CSMD1: variants seen among roughly 807,000 people sequenced by gnomAD.
The protein encoded by CSMD1 is CUB and Sushi multiple domains 1, also known as CUB and sushi domain-containing protein 1.
A neutral mutation model predicts 417.5 loss-of-function variants in CSMD1; 213 were observed. That is an observed-to-expected ratio of 0.51 (90% confidence interval 0.46 to 0.57). The LOEUF (loss-of-function observed/expected upper bound fraction) is 0.57, where lower values mean the gene tolerates loss of function less well. Ranked by LOEUF, CSMD1 falls within the 20% of genes least tolerant of loss-of-function variation. The probability of loss-of-function intolerance (pLI) is 0.00; values close to 1 mark genes in which losing one functional copy is unlikely to be tolerated. For missense variants in CSMD1, 6,923 were observed against 4,529.7 expected (o/e 1.53, Z -15.17); for synonymous variants, 2,862 against 1,736.8 (o/e 1.65, Z -16.11).
At chr8:4,285,935 G>A (rs887154325) in intron 3 of CSMD1, among the ~76,000 whole-genome samples, 1 of 152,094 alleles carries the variant, frequency 6.6e-6, no homozygotes, top group Non-Finnish European at 1.5e-5. Flanking sequence ...CCTTTTAAGT[G>A]GCTATGATAT....
chr8:4,727,968 A>AATATATAAATGTATATATATACAAAAT (rs1809576093), intron 1 of CSMD1, among the ~76,000 whole-genome samples: 2 of 141,908 alleles, frequency 1.4e-5, no homozygotes, highest in Non-Finnish European at 3.0e-5. Context: ...ATATATACAA[A>AATATATAAATGTATATATATACAAAAT]ATATATATGT....
intron 2 of CSMD1, among the ~76,000 whole-genome samples, chr8:4,426,074 A>C (rs1411839845): frequency 6.6e-6 from 1 of 150,742 alleles, no homozygotes; most frequent in Non-Finnish European, 1.5e-5. Flanking sequence ...GCCATAAATA[A>C]AAGGAATTAT....
At chr8:3,823,915 T>G (rs1014127903) in intron 5 of CSMD1, among the ~76,000 whole-genome samples, 5 of 152,196 alleles carry the variant, frequency 3.3e-5, no homozygotes, top group Non-Finnish European at 7.3e-5. Flanking sequence ...TCATTTTTAA[T>G]TCTACCTTTA....
At position 4,142,985 on chromosome 8, in the gene CSMD1, C is replaced by G. The variant is rs555962512; in HGVS notation, c.416-110886G>C. Among the ~76,000 whole-genome samples, 69 of 130,754 alleles carry G rather than the reference C, an allele frequency of 5.3e-4. No homozygotes were observed. In the Admixed American group the frequency reaches 6.0e-3, roughly 11 times the overall value. The allele number at this position is 130,754 out of a possible 152,430, so 85.8% of individuals were successfully genotyped here. A position where few individuals can be genotyped will look rare whatever the true frequency, so the allele number is the denominator to read the frequency against. On this transcript the variant is annotated intron_variant, in intron 3 of 69. Transcript: ENST00000635120. Reference sequence around the variant, plus strand: ...AACTATCAGATGCTTAGTTTTCAAACTGATTGAAAAAAAAAAAATGCTCTC... The same window carrying G: ...AACTATCAGATGCTTAGTTTTCAAAGTGATTGAAAAAAAAAAAATGCTCTC...
Position 3,743,526 on chromosome 8 carries a change from G to A in CSMD1, c.931+10404C>T, listed in dbSNP as rs149930701. On this transcript the variant is annotated intron_variant, in intron 6 of 69. Coordinates refer to ENST00000635120, the MANE Select transcript of CSMD1 (RefSeq NM_033225.6). ...CAAAAAGAATAATGGAAAGAAACAA[G>A]GGTGGTTGCAGGGTGTGAAAGAAAA... 3.3e-5 allele frequency among the ~76,000 whole-genome samples: 5 copies of A among 152,176 alleles called. No homozygotes were observed. The South Asian group carries it at 1.0e-3, about 31-fold the overall frequency.
At chr8:3,318,516 T>A (rs971650353) in intron 23 of CSMD1, among the ~76,000 whole-genome samples, 1 of 152,068 alleles carries the variant, frequency 6.6e-6, no homozygotes, top group Non-Finnish European at 1.5e-5. Context: ...AAAGTTAACA[T>A]ATTCCCTATT....
intron 3 of CSMD1, among the ~76,000 whole-genome samples, chr8:4,098,390 C>T (rs1801135072): frequency 6.9e-6 from 1 of 144,702 alleles, no homozygotes; most frequent in Admixed American, 6.7e-5. Flanking sequence ...TTTAATTTTC[C>T]AAAATGGATT....
At chr8:4,061,385 G>A (rs987815154) in intron 3 of CSMD1, among the ~76,000 whole-genome samples, 1 of 152,166 alleles carries the variant, frequency 6.6e-6, no homozygotes, top group South Asian at 2.1e-4. Flanking sequence ...AATGAAGTAA[G>A]TGCACAACAG....
In CSMD1 at chr8:3,468,819, G is replaced by A. The variant is rs754631764; in HGVS notation, c.1454C>T (p.Thr485Met). The A allele has an allele frequency of 3.1e-6, 5 of 1,589,056 alleles. No individual in the cohort carries two copies. The highest frequency in any genetic ancestry group is 3.5e-5 in the Admixed American group (2 of 56,966). ...AATGAGGTCAGGAACACTGGATCCC[G>A]TGAGCCTGCAAGAAAGAGAAATGTC... Reference protein sequence around the residue: ...GDTRSVLYVLTGSSVPDLIVS... With the variant: ...GDTRSVLYVLMGSSVPDLIVS... The change falls in exon 12 of 70, where the codon ACG becomes ATG. Residue 485 changes from threonine to methionine, a missense_variant. Coordinates refer to ENST00000635120, the MANE Select transcript of CSMD1 (RefSeq NM_033225.6).
At chr8:3,354,453 G>C (rs919183957) in intron 21 of CSMD1, among the ~76,000 whole-genome samples, 9 of 45,486 alleles carry the variant, frequency 2.0e-4, no homozygotes, top group African/African-American at 5.2e-4. Flanking sequence ...GCTCAACTAA[G>C]AAACAGAAAC....
chr8:4,456,612 G>C (rs536849443), intron 2 of CSMD1, among the ~76,000 whole-genome samples: 3 of 152,220 alleles, frequency 2.0e-5, no homozygotes, highest in South Asian at 4.2e-4. Context: ...GAAGAGTAGA[G>C]GCAATATTAA....
chr8:4,510,095 TAA>T (rs1349369421), intron 2 of CSMD1, among the ~76,000 whole-genome samples: 15 of 152,184 alleles, frequency 9.9e-5, no homozygotes, highest in South Asian at 2.1e-4. Flanking sequence ...TGAATAAGTC[TAA>T]AGAGATCTGA....
chr8:3,688,901 G>C (rs1172827391), intron 7 of CSMD1, among the ~76,000 whole-genome samples: 1 of 151,916 alleles, frequency 6.6e-6, no homozygotes, highest in Non-Finnish European at 1.5e-5. Context: ...TCAGACAAAG[G>C]AGCAAACTTA....
At chr8:4,124,511 T>A (rs1324549314) in intron 3 of CSMD1, among the ~76,000 whole-genome samples, 2 of 152,160 alleles carry the variant, frequency 1.3e-5, no homozygotes, top group Non-Finnish European at 2.9e-5. Flanking sequence ...CCCTTGAGTG[T>A]GTCTTCAAGT....
intron 1 of CSMD1, among the ~76,000 whole-genome samples, chr8:4,830,282 C>T (rs1800074232): frequency 6.6e-6 from 1 of 152,176 alleles, no homozygotes; most frequent in African/African-American, 2.4e-5. Flanking sequence ...AAGAAAGGAA[C>T]CATGAGGTTT....
chr8:4,699,265 ACTC>A (rs759504159), intron 1 of CSMD1, among the ~76,000 whole-genome samples: 2 of 151,954 alleles, frequency 1.3e-5, no homozygotes, highest in Non-Finnish European at 2.9e-5. Flanking sequence ...TCGCAATTAC[ACTC>A]CTCCTTCTAT....
intron 5 of CSMD1, among the ~76,000 whole-genome samples, chr8:3,757,050 A>G (rs1487354666): frequency 6.6e-6 from 1 of 151,930 alleles, no homozygotes; most frequent in African/African-American, 2.4e-5. Flanking sequence ...AAATCCTCTC[A>G]CCTTTGCCTC....
chr8:4,868,146 T>C (rs954981731), intron 1 of CSMD1, among the ~76,000 whole-genome samples: 3 of 152,120 alleles, frequency 2.0e-5, no homozygotes, highest in Admixed American at 1.3e-4. Flanking sequence ...TGAGAAATAA[T>C]GGGTTGATGG....
At chr8:4,656,038 G>A (rs980373190) in intron 1 of CSMD1, among the ~76,000 whole-genome samples, 2 of 152,194 alleles carry the variant, frequency 1.3e-5, no homozygotes, top group South Asian at 2.1e-4. Flanking sequence ...TGGGAGATGA[G>A]TAGTGTTATG....
Sources: gnomAD v4.1 joint callset for allele counts (sites outside exome capture counted in the v4.1 genomes callset) on GRCh38, gnomAD v4.1.1 for gene constraint, MANE v1.5 for transcripts, NCBI Gene and HGNC (gene_info 2026-07-23, HGNC 2026-07-21) for gene names.